Variants in CADM2 observed in about 807,000 individuals in gnomAD.
CADM2 encodes the protein immunoglobulin superfamily member 4D.
Under a neutral mutation model 49.8 loss-of-function variants are expected in CADM2, and 12 were observed. The ratio of observed to expected loss-of-function variants is 0.24; its 90% CI spans 0.15 to 0.39. The LOEUF (loss-of-function observed/expected upper bound fraction) is 0.39. Among genes scored for constraint, CADM2 ranks in the 10% least tolerant of loss-of-function variants. The pLI is 1.00. For synonymous variants in CADM2, 214 were observed against 175.4 expected, an observed-to-expected ratio of 1.22 and a Z score of -1.74; for missense variants, 378 against 492.3, an observed-to-expected ratio of 0.77 and a Z score of 2.20.
rs912151685 is a variant in CADM2 at position 86,072,398 on chromosome 3, TAAAAAAAAC to T, written c.*5633_*5641del. On this transcript the variant is annotated 3_prime_UTR_variant, in exon 10 of 10. Transcript: ENST00000383699. Reference sequence around the variant, plus strand: ...AATGGGCCCAAATGTGAAAAAGATATAAAAAAAACAAAAAAAACAAAAAAAAAACACTAT... The same window carrying T: ...AATGGGCCCAAATGTGAAAAAGATATAAAAAAAACAAAAAAAAAACACTAT... 9 of 139,024 alleles carry T rather than the reference TAAAAAAAAC, an allele frequency of 6.5e-5. No homozygotes were observed. Among genetic ancestry groups the T allele is most frequent in the South Asian group, 2.2e-4 (1 of 4,536 alleles). The allele number at this position is 139,024 out of a possible 1,614,324, so 8.6% of individuals were successfully genotyped here.
intron 1 of CADM2, among the ~76,000 whole-genome samples, chr3:85,613,289 A>G (rs2063722253): frequency 6.6e-6 from 1 of 151,782 alleles, no homozygotes; most frequent in Non-Finnish European, 1.5e-5. Context: ...AATTCACAAC[A>G]TATTAATCTA....
At chr3:85,436,620 T>C (rs1253721271) in intron 1 of CADM2, among the ~76,000 whole-genome samples, 1 of 152,162 alleles carries the variant, frequency 6.6e-6, no homozygotes, top group Non-Finnish European at 1.5e-5. Context: ...AATTTACTTT[T>C]ATGTTAAAAT....
At chr3:85,733,414 A>C (rs983355907) in intron 2 of CADM2, among the ~76,000 whole-genome samples, 4 of 152,180 alleles carry the variant, frequency 2.6e-5, no homozygotes, top group Non-Finnish European at 5.9e-5. Flanking sequence ...CTGTATAGGG[A>C]TATTGACATG....
At chr3:85,779,311 C>T (rs1409546338) in intron 2 of CADM2, among the ~76,000 whole-genome samples, 1 of 152,054 alleles carries the variant, frequency 6.6e-6, no homozygotes, top group East Asian at 1.9e-4. Context: ...CTTACCATGC[C>T]TAAAGCCTCT....
chr3:85,505,527 T>G (rs1349674509), intron 1 of CADM2, among the ~76,000 whole-genome samples: 2 of 152,186 alleles, frequency 1.3e-5, no homozygotes, highest in Non-Finnish European at 2.9e-5. Flanking sequence ...ATGTTTCTGA[T>G]TATACCAATT....
At chr3:85,635,159 C>A (rs748204360) in intron 1 of CADM2, among the ~76,000 whole-genome samples, 7 of 152,072 alleles carry the variant, frequency 4.6e-5, no homozygotes, top group Admixed American at 1.3e-4. Context: ...ACCTCCATTG[C>A]TATATTTCTT....
At chr3:85,315,956 A>T (rs770456629) in intron 1 of CADM2, among the ~76,000 whole-genome samples, 2 of 152,156 alleles carry the variant, frequency 1.3e-5, no homozygotes, top group Non-Finnish European at 2.9e-5. Flanking sequence ...GAAGGAAGAC[A>T]TTTAAAAGAA....
chr3:85,092,261 T>C (rs948797310), intron 1 of CADM2, among the ~76,000 whole-genome samples: 7 of 152,212 alleles, frequency 4.6e-5, no homozygotes. Context: ...TGATGAATGA[T>C]ACATTTATCC....
intron 8 of CADM2, among the ~76,000 whole-genome samples, chr3:86,009,461 G>A (rs6806454): frequency 0.2 from 29,855 of 150,952 alleles, 3,144 homozygotes; most frequent in East Asian, 0.27. Flanking sequence ...CTTATTTTTG[G>A]AGTGCCAGCA....
intron 1 of CADM2, among the ~76,000 whole-genome samples, chr3:85,255,488 C>T (rs957158220): frequency 2.0e-5 from 3 of 151,908 alleles, no homozygotes; most frequent in African/African-American, 7.3e-5. Flanking sequence ...TTGGCTCTAA[C>T]ACTTTGCAGC....
chr3:85,944,659 C>A (rs1253732404), intron 7 of CADM2, among the ~76,000 whole-genome samples: 3 of 152,116 alleles, frequency 2.0e-5, no homozygotes, highest in Non-Finnish European at 4.4e-5. Flanking sequence ...GAACAAACAA[C>A]CTGCTCCTGA....
intron 8 of CADM2, among the ~76,000 whole-genome samples, chr3:85,972,149 C>T (rs1458889604): frequency 6.6e-6 from 1 of 151,580 alleles, no homozygotes; most frequent in Non-Finnish European, 1.5e-5. Context: ...ACACTGTGAT[C>T]CAAATAGGCT....
At chr3:85,936,933 T>C (rs1346548086) in intron 7 of CADM2, among the ~76,000 whole-genome samples, 1 of 151,874 alleles carries the variant, frequency 6.6e-6, no homozygotes, top group Non-Finnish European at 1.5e-5. Context: ...CCTTCAGATT[T>C]ATCCAAAAGT....
intron 2 of CADM2, among the ~76,000 whole-genome samples, chr3:85,783,268 G>T (rs1409391262): frequency 6.6e-6 from 1 of 152,168 alleles, no homozygotes; most frequent in Non-Finnish European, 1.5e-5. Flanking sequence ...TTGGTTAAAT[G>T]AAGTAGCAAA....
chr3:85,518,715 T>C (rs959618383), intron 1 of CADM2, among the ~76,000 whole-genome samples: 3 of 152,122 alleles, frequency 2.0e-5, no homozygotes, highest in Admixed American at 6.6e-5. Flanking sequence ...TCTGCCTCCA[T>C]GGTCACTTTG....
intron 1 of CADM2, among the ~76,000 whole-genome samples, chr3:85,417,238 C>T (rs1017236429): frequency 6.6e-6 from 1 of 151,928 alleles, no homozygotes; most frequent in South Asian, 2.1e-4. Flanking sequence ...TAGACAAAAC[C>T]GATTTGGAAA....
chr3:85,554,027 A>G (rs1307925561), intron 1 of CADM2, among the ~76,000 whole-genome samples: 3 of 152,068 alleles, frequency 2.0e-5, no homozygotes, highest in Admixed American at 2.0e-4. Flanking sequence ...CACAATTAAT[A>G]CTACCCATGT....
chr3:86,000,086 A>G (rs1036490538), intron 8 of CADM2, among the ~76,000 whole-genome samples: 1 of 152,214 alleles, frequency 6.6e-6, no homozygotes, highest in Non-Finnish European at 1.5e-5. Flanking sequence ...CCTTGAACAC[A>G]TGGCATCATT....
intron 1 of CADM2, among the ~76,000 whole-genome samples, chr3:85,651,101 GGC>G (rs2065030446): frequency 6.6e-6 from 1 of 151,552 alleles, no homozygotes; most frequent in African/African-American, 2.4e-5. Context: ...ATTTCCTCAG[GGC>G]TACAACATAA....
Sources: gnomAD v4.1 joint callset for allele counts (sites outside exome capture counted in the v4.1 genomes callset) on GRCh38, gnomAD v4.1.1 for gene constraint, MANE v1.5 for transcripts, NCBI Gene and HGNC (gene_info 2026-07-23, HGNC 2026-07-21) for gene names.